The following TMEM230 variants were observed in gnomAD, a reference collection of about 807,000 sequenced individuals.
TMEM230 encodes the protein UPF0414 transmembrane protein C20orf30.
In TMEM230, 10 loss-of-function variants were observed where a neutral mutation model predicts 15.8. The ratio of observed to expected loss-of-function variants is 0.63; its 90% confidence interval spans 0.39 to 1.07. TMEM230 has a LOEUF of 1.07. Among genes scored for constraint, TMEM230 ranks in the 50% least tolerant of loss-of-function variants. The probability of loss-of-function intolerance (pLI) is 0.01; values close to 1 mark genes in which losing one functional copy is unlikely to be tolerated. For synonymous variants in TMEM230, 67 were observed against 76.9 expected (o/e 0.87, Z 0.68); for missense variants, 165 against 193.3 (o/e 0.85, Z 0.87).
At position 5,103,891 on chromosome 20, in the gene TMEM230, T is replaced by C. The variant is rs530952379; in HGVS notation, c.411+2297A>G. Among the ~76,000 whole-genome samples the C allele has an allele frequency of 4.6e-5, 7 of 152,286 alleles. No homozygotes were observed. In the East Asian group the frequency reaches 1.4e-3, roughly 29 times the overall value. On this transcript the variant is annotated intron_variant, in intron 4 of 4. Transcript: ENST00000342308. ...GATGCTGGACTGGGCAAAGATTTCT[T>C]GAGTAATGCCCCCAAAAGCACAAGC...
intron 3 of TMEM230, among the ~76,000 whole-genome samples, chr20:5,090,973 G>A (rs1339746933): frequency 6.6e-6 from 1 of 152,208 alleles, no homozygotes; most frequent in Non-Finnish European, 1.5e-5. Flanking sequence ...AAGAGGGGTT[G>A]CCAAGAACTA....
At chr20:5,089,831 A>T (rs545748731) in intron 3 of TMEM230, among the ~76,000 whole-genome samples, 2 of 152,240 alleles carry the variant, frequency 1.3e-5, no homozygotes, top group South Asian at 4.1e-4. Flanking sequence ...CAGCCTGGCC[A>T]ACAGGGCAAA....
downstream of TMEM230, among the ~76,000 whole-genome samples, chr20:5,095,032 C>T (rs1015317061): frequency 5.9e-5 from 9 of 152,166 alleles, no homozygotes; most frequent in Admixed American, 6.5e-5. Flanking sequence ...GATTTTGCTG[C>T]TGCCATTAGT....
intron 2 of TMEM230, among the ~76,000 whole-genome samples, chr20:5,109,789 TAG>T (rs2090241435): frequency 6.6e-6 from 1 of 152,184 alleles, no homozygotes; most frequent in South Asian, 2.1e-4. Context: ...CAAAGTCACA[TAG>T]AGACTAGGTA....
At chr20:5,068,239 C>CTG (rs1356616545), downstream of TMEM230, 4 of 152,240 alleles carry the variant, frequency 2.6e-5, no homozygotes, top group African/African-American at 9.6e-5. Flanking sequence ...CAACTTCCAC[C>CTG]TGTGTTCCAT....
chr20:5,060,127 G>C, the TMEM230 span, among the ~76,000 whole-genome samples: 62 of 152,070 alleles, frequency 4.1e-4, 1 homozygote, highest in African/African-American at 1.4e-3. Flanking sequence ...GTTCAGGCTA[G>C]TCTTGAACTT....
intron 4 of TMEM230, 106 bp downstream of exon 3, chr20:5,106,082 C>CGG (rs2090073009): frequency 1.7e-5 from 8 of 477,432 alleles, no homozygotes; most frequent in South Asian, 1.3e-4. Flanking sequence ...CGGACAAACA[C>CGG]ACACACACAC....
At chr20:5,112,683 A>G in intron 1 of TMEM230, 1 of 1,403,964 alleles carries the variant, frequency 7.1e-7, no homozygotes, top group Non-Finnish European at 9.3e-7. Flanking sequence ...TAAAAGCATC[A>G]TAAAACGTTT....
intron 4 of TMEM230, among the ~76,000 whole-genome samples, chr20:5,101,245 C>A (rs1017067580): frequency 1.3e-5 from 2 of 152,092 alleles, no homozygotes; most frequent in African/African-American, 2.4e-5. Flanking sequence ...CCTTTTCATA[C>A]ATTTAAACTG....
chr20:5,106,644 TG>T (rs879943544), intron 3 of TMEM230, among the ~76,000 whole-genome samples: 7 of 152,228 alleles, frequency 4.6e-5, no homozygotes, highest in Non-Finnish European at 1.0e-4. Context: ...TGACCTCAGG[TG>T]ATCCGCCCGC....
At chr20:5,071,030 T>G (rs941724273) in intron 3 of TMEM230, among the ~76,000 whole-genome samples, 6 of 152,132 alleles carry the variant, frequency 3.9e-5, no homozygotes, top group African/African-American at 1.4e-4. Flanking sequence ...TTTCTAGGAG[T>G]GAACAATGCC....
At chr20:5,104,266 C>T (rs539050089) in intron 4 of TMEM230, among the ~76,000 whole-genome samples, 30 of 152,292 alleles carry the variant, frequency 2.0e-4, no homozygotes, top group African/African-American at 6.5e-4. Flanking sequence ...CGCTATGTTG[C>T]GCAGGCTGGT....
rs1293426412 is a variant in TMEM230 at position 5,080,370 on chromosome 20, TTC to T, written c.223-11023_223-11022del. 3.8e-4 allele frequency among the ~76,000 whole-genome samples: 58 copies of T among 152,316 alleles called. 2 individuals are homozygous for T. The South Asian group carries it at 8.7e-3, about 23-fold the overall frequency. On this transcript the variant is annotated intron_variant, in intron 3 of 3. Transcript: ENST00000612323. ...TTTGTACCAGTTTCATACTTCTCAT[TTC>T]TACAGCAAGACTGAAAGTTGCTGTG...
intron 3 of TMEM230, among the ~76,000 whole-genome samples, chr20:5,075,854 CTTACA>C (rs1228466529): frequency 6.6e-6 from 1 of 151,754 alleles, no homozygotes; most frequent in Non-Finnish European, 1.5e-5. Context: ...GGTTTAGTGG[CTTACA>C]CTTGGAGGCC....
chr20:5,076,676 C>CTTTTTTTTTTTTTT (rs763498321), intron 3 of TMEM230, among the ~76,000 whole-genome samples: 1 of 127,482 alleles, frequency 7.8e-6, no homozygotes, highest in African/African-American at 3.1e-5. Flanking sequence ...GATTGATATT[C>CTTTTTTTTTTTTTT]TTTTTTTTTT....
chr20:5,106,687 G>A (rs889859401), intron 3 of TMEM230, among the ~76,000 whole-genome samples: 1 of 151,822 alleles, frequency 6.6e-6, no homozygotes, highest in Non-Finnish European at 1.5e-5. Context: ...CATTACAGGC[G>A]TGAGCCACCG....
intron 3 of TMEM230, among the ~76,000 whole-genome samples, chr20:5,077,482 T>C (rs2089041975): frequency 1.5e-5 from 2 of 136,594 alleles, no homozygotes; most frequent in Non-Finnish European, 3.4e-5. Flanking sequence ...GTGGATCACC[T>C]GAGGTCAGGA....
intron 3 of TMEM230, among the ~76,000 whole-genome samples, chr20:5,089,233 G>C (rs917793006): frequency 2.0e-5 from 3 of 152,016 alleles, no homozygotes; most frequent in Non-Finnish European, 4.4e-5. Flanking sequence ...AAATTAGCCG[G>C]GCGTGGTGGC....
intron 3 of TMEM230, among the ~76,000 whole-genome samples, chr20:5,070,112 T>A (rs6038054): frequency 0.048 from 7,252 of 152,146 alleles, 526 homozygotes; most frequent in African/African-American, 0.16. Flanking sequence ...ACGGGTCTCA[T>A]CTAGCTCTCT....
Sources: allele counts gnomAD v4.1 joint callset (sites outside exome capture counted in the v4.1 genomes callset), GRCh38; gene constraint gnomAD v4.1.1; transcripts MANE v1.5; gene names NCBI Gene and HGNC (gene_info 2026-07-23, HGNC 2026-07-21).